The following VWA5B1 variants were observed in gnomAD, a reference collection of about 807,000 sequenced individuals.
VWA5B1 encodes von Willebrand factor A domain containing 5B1.
A neutral mutation model predicts 118.2 loss-of-function variants in VWA5B1; 115 were observed. The ratio of observed to expected loss-of-function variants is 0.97; its 90% CI spans 0.84 to 1.14. VWA5B1 has a LOEUF of 1.14. Ranked by LOEUF, VWA5B1 falls within the 50% of genes most tolerant of loss-of-function variation. VWA5B1 has a pLI of 0.00. For synonymous variants in VWA5B1, 682 were observed against 658.4 expected (o/e 1.04, Z -0.55); for missense variants, 1,596 against 1,603.8 (o/e 1.00, Z 0.08).
chr1:20,308,337 G>T lies in VWA5B1; in HGVS notation c.-26-2239G>T, dbSNP rs921293722. 3.9e-5 allele frequency among the ~76,000 whole-genome samples: 6 copies of T among 152,326 alleles called. No homozygotes were observed. The South Asian group carries it at 8.3e-4, about 21-fold the overall frequency. On this transcript the variant is annotated intron_variant, in intron 1 of 21. Coordinates refer to ENST00000289815, the MANE Select transcript of VWA5B1 (RefSeq NM_001039500.3). ...GCCAGGGACAGTGTGGGCAGATTGG[G>T]TTGGGTAAGATGCCTTCGGCAGAAT...
intron 1 of VWA5B1, among the ~76,000 whole-genome samples, chr1:20,291,362 T>TCTCC (rs1397750305): frequency 1.5e-4 from 20 of 129,218 alleles, no homozygotes; most frequent in African/African-American, 7.1e-4. Flanking sequence ...TCTTTCTTTC[T>TCTCC]CTCTCTCTCT....
chr1:20,300,283 G>T (rs960515385), intron 1 of VWA5B1, among the ~76,000 whole-genome samples: 1 of 152,130 alleles, frequency 6.6e-6, no homozygotes, highest in African/African-American at 2.4e-5. Flanking sequence ...ACTGGGCGGG[G>T]TGCATGAGGA....
In VWA5B1 at chr1:20,354,340, G is replaced by C; in HGVS notation, c.*77G>C. ...GCAGGGCCATGTCGGCCTGGTTTCG[G>C]GGAGCTTTTGGAGCTGTAACTAATA... On this transcript the variant is annotated 3_prime_UTR_variant, in exon 22 of 22. Coordinates refer to ENST00000289815, the MANE Select transcript of VWA5B1 (RefSeq NM_001039500.3). 1 of 1,455,698 alleles carries C rather than the reference G, an allele frequency of 6.9e-7. No individual in the cohort carries two copies. Among genetic ancestry groups the C allele is most frequent in the Non-Finnish European group, 9.1e-7 (1 of 1,095,650 alleles). The allele number at this position is 1,455,698 out of a possible 1,614,324, so 90.2% of individuals were successfully genotyped here.
Position 20,356,078 on chromosome 1 carries a change from G to A in VWA5B1, c.*1815G>A, listed in dbSNP as rs149447953. On this transcript the variant is annotated 3_prime_UTR_variant, in exon 22 of 22. Coordinates refer to ENST00000289815, the MANE Select transcript of VWA5B1 (RefSeq NM_001039500.3). ...CTCCAGGCTTCCAGGAGATGTGAGCGGAGCTTTGTCATCTCCCTGCACACT... is the reference window on the plus strand; with the variant it reads ...CTCCAGGCTTCCAGGAGATGTGAGCAGAGCTTTGTCATCTCCCTGCACACT... Among the ~76,000 whole-genome samples the A allele has an allele frequency of 3.9e-4, 60 of 152,344 alleles. No homozygotes were observed. Among genetic ancestry groups the A allele is most frequent in the Middle Eastern group, 3.4e-3 (1 of 294 alleles).
Position 20,358,321 on chromosome 1 carries a change from T to C in VWA5B1, c.*4058T>C, listed in dbSNP as rs2090264335. 6.6e-6 allele frequency among the ~76,000 whole-genome samples: 1 copy of C among 152,322 alleles called. No homozygotes were observed. Among genetic ancestry groups the C allele is most frequent in the Middle Eastern group, 3.4e-3 (1 of 294 alleles). On this transcript the variant is annotated 3_prime_UTR_variant, in exon 22 of 22. Transcript: ENST00000289815. The stretch of plus-strand genomic sequence containing the variant: ...TTCCAGCTGGTTCACCAGGAACAGC[T>C]GTCAAAAAAGGTTTCTGGAAGTTTC...
intron 1 of VWA5B1, among the ~76,000 whole-genome samples, chr1:20,302,345 C>T (rs995482786): frequency 6.6e-6 from 1 of 152,242 alleles, no homozygotes. Flanking sequence ...TCAGACGAAC[C>T]TGTAGCCAAG....
At chr1:20,331,159 T>G (rs1000560273) in intron 11 of VWA5B1, among the ~76,000 whole-genome samples, 176 bp downstream of exon 11, 3 of 152,158 alleles carry the variant, frequency 2.0e-5, no homozygotes, top group African/African-American at 7.2e-5. Flanking sequence ...AGGCAACTCT[T>G]GAAGCAATGC....
rs770683974 is a variant in VWA5B1 at position 20,318,645 on chromosome 1, G to A, written c.765G>A (p.Ser255=). The A allele has an allele frequency of 2.5e-5, 39 of 1,550,182 alleles. No individual in the cohort carries two copies. Among genetic ancestry groups the A allele is most frequent in the South Asian group, 3.6e-5 (3 of 83,762 alleles). Residue 255 remains serine, a synonymous_variant, in exon 6 of 22, where the codon TCG becomes TCA. Coordinates refer to ENST00000289815, the MANE Select transcript of VWA5B1 (RefSeq NM_001039500.3). ...CCGACGCCGCCCCATCTGCCCGCTC[G>A]GCCAAGAGCATCATCATCACCTTGG... ...IRADAAPSAR[S]AKSIIITLAN...
intron 14 of VWA5B1, 36 bp from the exon 15 acceptor site, chr1:20,342,396 C>T: frequency 1.3e-6 from 2 of 1,543,892 alleles, no homozygotes; most frequent in Non-Finnish European, 1.7e-6. Flanking sequence ...CCTCCTCGTC[C>T]TCCTCCTCTT....
At chr1:20,333,460 G>C (rs895425560) in intron 12 of VWA5B1, among the ~76,000 whole-genome samples, 6 of 152,228 alleles carry the variant, frequency 3.9e-5, no homozygotes, top group East Asian at 1.9e-4. Flanking sequence ...CTGGGCGACA[G>C]AGCGAGACTC....
Position 20,353,767 on chromosome 1 carries a change from A to G in VWA5B1, c.3152A>G (p.Gln1051Arg), listed in dbSNP as rs1038113408. The change falls in exon 22 of 22, where the codon CAG becomes CGG. Residue 1051 changes from glutamine to arginine, a missense_variant. Gln to Arg is a conservative substitution (Grantham distance 43, BLOSUM62 1). Transcript: ENST00000289815. ...SFDYIPLVSLQLASGAFLLNE... is the reference protein window; with the variant it reads ...SFDYIPLVSLRLASGAFLLNE... Reference sequence around the variant, plus strand: ...TTCCCCCACACACAGGTGTCTCTGCAGCTGGCCTCCGGAGCCTTCCTGCTC... The same window carrying G: ...TTCCCCCACACACAGGTGTCTCTGCGGCTGGCCTCCGGAGCCTTCCTGCTC... The G allele has an allele frequency of 4.8e-6, 7 of 1,458,212 alleles. No individual in the cohort carries two copies. In the African/African-American group the frequency reaches 7.2e-5, roughly 15 times the overall value. The allele number at this position is 1,458,212 out of a possible 1,614,324, so 90.3% of individuals were successfully genotyped here. A position where few individuals can be genotyped will look rare whatever the true frequency, so the allele number is the denominator to read the frequency against.
At chr1:20,299,121 G>A (rs2088458751) in intron 1 of VWA5B1, among the ~76,000 whole-genome samples, 1 of 152,154 alleles carries the variant, frequency 6.6e-6, no homozygotes, top group Non-Finnish European at 1.5e-5. Context: ...CAGTGCCTAC[G>A]ACCCAATGGA....
At chr1:20,332,510 AAAAT>A (rs1385098152) in intron 11 of VWA5B1, among the ~76,000 whole-genome samples, 2 of 148,458 alleles carry the variant, frequency 1.3e-5, no homozygotes, top group Non-Finnish European at 3.0e-5. Context: ...AAAATAAAAT[AAAAT>A]AAAATAAAAT....
intron 7 of VWA5B1, chr1:20,323,046 C>T (rs749624519): frequency 3.7e-5 from 8 of 213,592 alleles, no homozygotes; most frequent in East Asian, 3.0e-4. Context: ...CCCTGAGAAG[C>T]GGACATTATT....
chr1:20,331,003 C>T lies in VWA5B1; in HGVS notation c.1572+20C>T, dbSNP rs1419254808. ...CCCAAGGTAGGCAGCAGAACCCACG[C>T]AGTCCCTTCTGGTGCTGGAACCTCA... On this transcript the variant is annotated intron_variant, in intron 11 of 21. Transcript: ENST00000289815. The T allele has an allele frequency of 4.6e-6, 7 of 1,527,572 alleles. No individual in the cohort carries two copies. In the Admixed American group the frequency reaches 1.4e-4, roughly 31 times the overall value. The allele number at this position is 1,527,572 out of a possible 1,614,324, so 94.6% of individuals were successfully genotyped here. A position where few individuals can be genotyped will look rare whatever the true frequency, so the allele number is the denominator to read the frequency against.
chr1:20,327,912 A>G lies in VWA5B1; in HGVS notation c.1166A>G (p.Lys389Arg). The G allele has an allele frequency of 6.4e-7, 1 of 1,551,580 alleles. No individual in the cohort carries two copies. Among genetic ancestry groups the G allele is most frequent in the South Asian group, 1.2e-5 (1 of 84,026 alleles). ...RVKDAMLVAL[K>R]SLMPACLFNI... ...CAGGATGCCATGTTGGTGGCCCTTA[A>G]GAGCCTCATGCCAGCCTGCCTCTTC... The change falls in exon 9 of 22, where the codon AAG (lysine) becomes AGG (arginine). Residue 389 changes from lysine (K) to arginine (R), a missense_variant. Lys to Arg is a conservative substitution (Grantham distance 26, BLOSUM62 2). Transcript: ENST00000289815.
intron 7 of VWA5B1, among the ~76,000 whole-genome samples, chr1:20,322,295 A>G (rs1398730570): frequency 2.0e-5 from 3 of 152,222 alleles, no homozygotes; most frequent in African/African-American, 7.2e-5. Context: ...AGAAACAGAC[A>G]CAGAGACACG....
At chr1:20,314,646 C>T (rs1056661471) in intron 4 of VWA5B1, 54 bp downstream of exon 4, 38 of 1,530,588 alleles carry the variant, frequency 2.5e-5, no homozygotes, top group Admixed American at 8.0e-5. Flanking sequence ...GCAGAGAGTG[C>T]GTCAGGTGAC....
At position 20,339,431 on chromosome 1, in the gene VWA5B1, A is replaced by G. The variant is rs958440714; in HGVS notation, c.2133+1595A>G. ...GTGGCACATGCCTGTAATTCCAGCT[A>G]CTCGGGAGGCTGAGGCAGGAGGATC... On this transcript the variant is annotated intron_variant, in intron 14 of 21. Transcript: ENST00000289815. 5.3e-5 allele frequency among the ~76,000 whole-genome samples: 8 copies of G among 152,076 alleles called. 1 individual carries two copies. The highest frequency in any genetic ancestry group is 5.2e-4 in the Admixed American group (8 of 15,262).
Sources: allele counts gnomAD v4.1 joint callset (sites outside exome capture counted in the v4.1 genomes callset), GRCh38; gene constraint gnomAD v4.1.1; transcripts MANE v1.5; gene names NCBI Gene and HGNC (gene_info 2026-07-23, HGNC 2026-07-21).